The following DST variants were observed in gnomAD, a reference collection of about 807,000 sequenced individuals.
The protein encoded by DST is bullous pemphigoid antigen.
A neutral mutation model predicts 875.2 loss-of-function variants in DST; 253 were observed. That is an observed-to-expected ratio of 0.29 (90% confidence interval 0.26 to 0.32). The LOEUF is 0.32. Ranked by LOEUF, DST falls within the 10% of genes least tolerant of loss-of-function variation. DST has a pLI of 1.00. For missense variants in DST, 8,287 were observed against 9,111.6 expected, an observed-to-expected ratio of 0.91 and a Z score of 3.68; for synonymous variants, 3,124 against 3,197.1, an observed-to-expected ratio of 0.98 and a Z score of 0.77.
In DST at chr6:56,517,612, T is replaced by C; in HGVS notation, c.18138A>G (p.Gln6046=). The C allele has an allele frequency of 6.2e-7, 1 of 1,612,462 alleles. No homozygotes were observed. Among genetic ancestry groups the C allele is most frequent in the Middle Eastern group, 1.7e-4 (1 of 6,060 alleles). The stretch of plus-strand genomic sequence containing the variant: ...TCCAGGATAACTCAGCATCAGCTGC[T>C]TGGTCAAACTAAACAAAAGATAAAT... The part of the protein sequence containing the change: ...AAILRSQQFD[Q]AADAELSWIT... Residue 6046 remains glutamine, a synonymous_variant, in exon 70 of 104, where the codon CAA becomes CAG. Coordinates refer to ENST00000680361, the MANE Select transcript of DST (RefSeq NM_001374736.1).
At position 56,585,273 on chromosome 6, in the gene DST, C is replaced by T. The variant is rs1001063451; in HGVS notation, c.12904-6336G>A. ...ATTGATTATTGCCACAATTTCAGAG[C>T]CTGTTATTGGTCTATTCAGAGATTC... On this transcript the variant is annotated intron_variant, in intron 49 of 103. Transcript: ENST00000680361. Among the ~76,000 whole-genome samples the T allele has an allele frequency of 2.1e-4, 32 of 152,230 alleles. No homozygotes were observed. The East Asian group carries it at 5.4e-3, about 26-fold the overall frequency.
rs781669086 is a variant in DST, at chr6:56,615,625, A to G, written c.4930-1141T>C. ...AATCAGCTTTTTCTAAGGCTTCTTT[A>G]TATGTCAACTTTCTTTTTGTCTGAG... On this transcript the variant is annotated intron_variant, in intron 36 of 103. Transcript: ENST00000680361. The G allele has an allele frequency of 4.3e-6, 7 of 1,614,106 alleles. No homozygotes were observed. Among genetic ancestry groups the G allele is most frequent in the Non-Finnish European group, 5.9e-6 (7 of 1,179,958 alleles).
intron 4 of DST, among the ~76,000 whole-genome samples, chr6:56,749,350 T>C (rs1360260502): frequency 2.0e-5 from 3 of 152,100 alleles, no homozygotes; most frequent in African/African-American, 7.2e-5. Flanking sequence ...TATGACTGTG[T>C]CTCAAAAAAA....
At chr6:56,845,716 G>A (rs556045936) in intron 4 of DST, among the ~76,000 whole-genome samples, 1 of 152,314 alleles carries the variant, frequency 6.6e-6, no homozygotes, top group African/African-American at 2.4e-5. Flanking sequence ...CCTTTACAAT[G>A]AGTAAGGTCA....
chr6:56,865,660 T>C (rs896770272), intron 3 of DST, among the ~76,000 whole-genome samples: 2 of 151,782 alleles, frequency 1.3e-5, no homozygotes, highest in African/African-American at 4.8e-5. Context: ...TCAGCCTTGC[T>C]TCCCTAGTTG....
At chr6:56,533,739 G>A (rs79796848) in intron 63 of DST, among the ~76,000 whole-genome samples, 1,732 of 152,168 alleles carry the variant, frequency 0.011, 44 homozygotes, top group African/African-American at 0.04. Flanking sequence ...TGCAAAAATC[G>A]CACAAATGCA....
At chr6:56,603,460 G>GA in intron 41 of DST, 40 bp from the exon 42 acceptor site, 2 of 1,597,916 alleles carry the variant, frequency 1.3e-6, no homozygotes, top group South Asian at 2.2e-5. Context: ...ACTATTTAGT[G>GA]AAAAACCCAA....
chr6:56,749,987 C>T (rs1004607993), intron 4 of DST, among the ~76,000 whole-genome samples: 4 of 152,132 alleles, frequency 2.6e-5, no homozygotes, highest in Non-Finnish European at 5.9e-5. Context: ...CAACACCATC[C>T]CAGAAGGGCT....
At chr6:56,555,310 T>C (rs2097396056) in intron 60 of DST, 35 bp downstream of exon 60, 1 of 1,528,514 alleles carries the variant, frequency 6.5e-7, no homozygotes. Flanking sequence ...CATTTATTTC[T>C]GACCAGGAAA....
rs773265566 is a variant in DST at position 56,606,202 on chromosome 6, T to A, written c.8426A>T (p.Asp2809Val). The change falls in exon 40 of 104, where the codon GAT (aspartate) becomes GTT (valine). Residue 2809 changes from aspartate to valine, a missense_variant. By Grantham distance (152) the Asp-to-Val change is radical. Transcript: ENST00000680361. Reference sequence around the variant, plus strand: ...TCCTCCTTCTTCATCAATGCCATCATCATCATCGTCATCCTGATCATTACT... The same window carrying A: ...TCCTCCTTCTTCATCAATGCCATCAACATCATCGTCATCCTGATCATTACT... ...YDSNDQDDDD[D>V]DGIDEEGGGI... 3.2e-6 allele frequency: 5 copies of A among 1,575,290 alleles called. No homozygotes were observed. Among genetic ancestry groups the A allele is most frequent in the South Asian group, 2.3e-5 (2 of 87,550 alleles).
intron 4 of DST, among the ~76,000 whole-genome samples, chr6:56,782,132 T>A (rs2099695362): frequency 6.6e-6 from 1 of 152,210 alleles, no homozygotes; most frequent in African/African-American, 2.4e-5. Flanking sequence ...TGCCAGTATT[T>A]TATTGAGGAT....
intron 36 of DST, chr6:56,619,317 T>G: frequency 6.2e-7 from 1 of 1,612,046 alleles, no homozygotes; most frequent in Non-Finnish European, 8.5e-7. Context: ...ACTTTTTGTT[T>G]TAGCATCTCT....
chr6:56,590,928 C>T (rs1316391052), intron 49 of DST, among the ~76,000 whole-genome samples: 1 of 152,226 alleles, frequency 6.6e-6, no homozygotes, highest in Non-Finnish European at 1.5e-5. Context: ...CAATACCTAA[C>T]TTTAAGCTTG....
At chr6:56,709,429 T>C (rs542621510) in intron 5 of DST, among the ~76,000 whole-genome samples, 41 of 152,268 alleles carry the variant, frequency 2.7e-4, no homozygotes, top group African/African-American at 9.6e-4. Flanking sequence ...CCTATAACTG[T>C]TTGGTTTTAT....
intron 73 of DST, 145 bp downstream of exon 73, chr6:56,511,052 C>T (rs1315836650): frequency 8.9e-5 from 61 of 689,242 alleles, no homozygotes; most frequent in Non-Finnish European, 1.4e-4. Context: ...GCAAACATCA[C>T]CTCTGAGGGA....
intron 78 of DST, among the ~76,000 whole-genome samples, chr6:56,502,988 G>A (rs2096185844): frequency 6.6e-6 from 1 of 152,106 alleles, no homozygotes; most frequent in African/African-American, 2.4e-5. Flanking sequence ...AAACAGTTCA[G>A]CCACTTTCAC....
At position 56,555,547 on chromosome 6, in the gene DST, C is replaced by T. The variant is rs200938033; in HGVS notation, c.14934G>A (p.Thr4978=). The T allele has an allele frequency of 9.9e-6, 16 of 1,613,972 alleles. No homozygotes were observed. In the East Asian group the frequency reaches 2.2e-4, roughly 22 times the overall value. Residue 4978 remains threonine (T), a synonymous_variant, in exon 60 of 104, where the codon ACG becomes ACA. Transcript: ENST00000680361. ...NKLSSSLAVS[T]HPDAMNQQLE... Reference sequence around the variant, plus strand: ...ACTGTTGGTTCATAGCATCAGGGTGCGTGCTCACAGCCAGACTGCTGCTGA... The same window carrying T: ...ACTGTTGGTTCATAGCATCAGGGTGTGTGCTCACAGCCAGACTGCTGCTGA...
At chr6:56,614,317 CTAT>C (rs768524640) in intron 37 of DST, 36 bp downstream of exon 37, 605 of 1,532,202 alleles carry the variant, frequency 3.9e-4, no homozygotes, top group South Asian at 1.1e-3. Flanking sequence ...AACGTCCCTG[CTAT>C]TATTATTATT....
rs1411862559 is a variant in DST, at chr6:56,635,630, T to C, written c.3145A>G (p.Ser1049Gly). 6.2e-7 allele frequency: 1 copy of C among 1,614,028 alleles called. No homozygotes were observed. The highest frequency in any genetic ancestry group is 8.5e-7 in the Non-Finnish European group (1 of 1,179,928). The change falls in exon 24 of 104, where the codon AGC becomes GGC. Residue 1049 changes from serine (S) to glycine (G), a missense_variant. By Grantham distance (56) the Ser-to-Gly change is moderately conservative (BLOSUM62 0). This residue lies in a region of DST where 1,160 missense variants were observed against 1,424.3 expected (regional missense o/e 0.81). Transcript: ENST00000680361. Reference sequence around the variant, plus strand: ...AGGTCTTCTAGCTTGTGAATGCTGCTTGATCTATCACAGCTGTACTTCCGC... The same window carrying C: ...AGGTCTTCTAGCTTGTGAATGCTGCCTGATCTATCACAGCTGTACTTCCGC... The part of the protein sequence containing the change: ...IQRKYSCDRS[S>G]SIHKLEDLVQ...
Sources: gnomAD v4.1 joint callset for allele counts (sites outside exome capture counted in the v4.1 genomes callset) on GRCh38, gnomAD v4.1.1 for gene constraint, gnomAD v4.1.1 regional missense constraint, MANE v1.5 for transcripts, NCBI Gene and HGNC (gene_info 2026-07-23, HGNC 2026-07-21) for gene names.